Variants in SAMMSON observed in about 807,000 individuals in gnomAD.
SAMMSON encodes the protein long intergenic non-protein coding RNA 1212.
intron 4 of SAMMSON, among the ~76,000 whole-genome samples, chr3:70,133,330 G>T (rs2067491690): frequency 6.6e-6 from 1 of 152,192 alleles, no homozygotes; most frequent in African/African-American, 2.4e-5. Context: ...AGGGTTCAGA[G>T]AGCTTCCGAG....
At chr3:70,430,135 C>T (rs533047407) in intron 2 of SAMMSON, among the ~76,000 whole-genome samples, 1 of 152,064 alleles carries the variant, frequency 6.6e-6, no homozygotes, top group Non-Finnish European at 1.5e-5. Flanking sequence ...TTTTGAGATA[C>T]GTTCCATCAG....
intron 6 of SAMMSON, among the ~76,000 whole-genome samples, chr3:70,273,630 T>C (rs1327228494): frequency 6.6e-6 from 1 of 152,092 alleles, no homozygotes; most frequent in Non-Finnish European, 1.5e-5. Flanking sequence ...TTTGACAGTA[T>C]CAAAGGAGGA....
intron 2 of SAMMSON, among the ~76,000 whole-genome samples, chr3:70,396,101 G>A (rs1701090967): frequency 6.6e-6 from 1 of 152,142 alleles, no homozygotes; most frequent in African/African-American, 2.4e-5. Context: ...GATTAAACAT[G>A]AGGATGAAGG....
chr3:70,010,148 A>G (rs1387114976), intron 1 of SAMMSON, among the ~76,000 whole-genome samples: 2 of 152,046 alleles, frequency 1.3e-5, no homozygotes, highest in Non-Finnish European at 2.9e-5. Flanking sequence ...GTAGATGTCT[A>G]TTAGGTCTGC....
intron 1 of SAMMSON, among the ~76,000 whole-genome samples, chr3:70,008,104 A>G (rs140154030): frequency 0.14 from 21,718 of 151,866 alleles, 2,324 homozygotes; most frequent in African/African-American, 0.29. Context: ...TGTTCTTTTG[A>G]CTTAGGATTG....
At chr3:70,268,209 G>C (rs1233117594) in intron 6 of SAMMSON, among the ~76,000 whole-genome samples, 1 of 152,088 alleles carries the variant, frequency 6.6e-6, no homozygotes, top group Non-Finnish European at 1.5e-5. Context: ...GGTAGCTCAC[G>C]CCTGTCATCC....
At chr3:70,185,872 G>A (rs1701087743) in intron 4 of SAMMSON, among the ~76,000 whole-genome samples, 1 of 152,068 alleles carries the variant, frequency 6.6e-6, no homozygotes, top group South Asian at 2.1e-4. Context: ...AACTACTTGG[G>A]AAGCTGAGGT....
intron 4 of SAMMSON, chr3:70,075,422 A>T (rs1355804817): frequency 6.6e-6 from 1 of 152,156 alleles, no homozygotes; most frequent in African/African-American, 2.4e-5. Flanking sequence ...TGGGGAATTT[A>T]GGAGTCTGTT....
At chr3:70,279,777 A>G (rs576586001) in intron 6 of SAMMSON, among the ~76,000 whole-genome samples, 7 of 151,998 alleles carry the variant, frequency 4.6e-5, no homozygotes, top group Non-Finnish European at 1.0e-4. Context: ...TTTTCCTTCC[A>G]TGGGCTGTTC....
chr3:70,205,203 T>C (rs1004702713), intron 4 of SAMMSON: 9 of 152,120 alleles, frequency 5.9e-5, no homozygotes, highest in Non-Finnish European at 8.8e-5. Flanking sequence ...CTTGGAAAAC[T>C]TCAATATCTG....
chr3:70,188,566 A>G (rs1056912873), intron 4 of SAMMSON, among the ~76,000 whole-genome samples: 1 of 152,230 alleles, frequency 6.6e-6, no homozygotes, highest in Non-Finnish European at 1.5e-5. Flanking sequence ...TAAGTCTCAA[A>G]AAGTTGATAT....
intron 3 of SAMMSON, among the ~76,000 whole-genome samples, chr3:70,052,629 T>A (rs887054782): frequency 4.6e-5 from 7 of 152,146 alleles, no homozygotes; most frequent in African/African-American, 1.4e-4. Context: ...ATGTAACATA[T>A]GCATATTTGC....
intron 6 of SAMMSON, among the ~76,000 whole-genome samples, chr3:70,259,752 C>T (rs971122738): frequency 4.6e-5 from 7 of 152,178 alleles, no homozygotes. Flanking sequence ...TTGTATTAGT[C>T]TGTTTTCATA....
intron 7 of SAMMSON, among the ~76,000 whole-genome samples, chr3:70,348,765 A>G (rs996114107): frequency 1.4e-4 from 22 of 152,282 alleles, no homozygotes; most frequent in African/African-American, 4.6e-4. Flanking sequence ...ACGGGGACAC[A>G]GGTCACAGAG....
At chr3:70,060,891 T>A (rs1327258225) in intron 3 of SAMMSON, among the ~76,000 whole-genome samples, 2 of 152,026 alleles carry the variant, frequency 1.3e-5, no homozygotes, top group Non-Finnish European at 2.9e-5. Flanking sequence ...GGGTCATGGA[T>A]GTAGGTCAGT....
intron 4 of SAMMSON, among the ~76,000 whole-genome samples, chr3:70,242,280 C>T (rs1276180439): frequency 2.0e-5 from 3 of 152,148 alleles, no homozygotes; most frequent in Non-Finnish European, 4.4e-5. Flanking sequence ...GCTCTGATAA[C>T]ATCTCTTTGG....
chr3:70,199,383 A>T (rs1228985470), intron 4 of SAMMSON, among the ~76,000 whole-genome samples: 1 of 152,160 alleles, frequency 6.6e-6, no homozygotes, highest in Non-Finnish European at 1.5e-5. Flanking sequence ...TACAAAAGAA[A>T]AAAAAAAGTT....
intron 2 of SAMMSON, among the ~76,000 whole-genome samples, chr3:70,395,055 C>G (rs975975622): frequency 1.3e-5 from 2 of 152,152 alleles, no homozygotes; most frequent in African/African-American, 4.8e-5. Flanking sequence ...CAAGTATCAC[C>G]TGTTTGTTTC....
chr3:70,074,385 G>C (rs1559785850), intron 4 of SAMMSON, among the ~76,000 whole-genome samples: 1 of 152,026 alleles, frequency 6.6e-6, no homozygotes, highest in Non-Finnish European at 1.5e-5. Context: ...TTTGATTCAA[G>C]AGTGATTGAG....
Sources: gnomAD v4.1 joint callset for allele counts (sites outside exome capture counted in the v4.1 genomes callset) on GRCh38, gnomAD v4.1.1 for gene constraint, MANE v1.5 for transcripts, NCBI Gene and HGNC (gene_info 2026-07-23, HGNC 2026-07-21) for gene names.